ANO6: variants seen among roughly 807,000 people sequenced by gnomAD.
ANO6 encodes anoctamin 6.
In ANO6, 106 loss-of-function variants were observed where a neutral mutation model predicts 117.5. That is an observed-to-expected ratio of 0.90 (90% CI 0.77 to 1.06). The LOEUF (loss-of-function observed/expected upper bound fraction) is 1.06. ANO6 is among the 50% of genes least tolerant of loss of function. The pLI, the probability that ANO6 is intolerant of heterozygous loss-of-function variation, is 0.00. For missense variants in ANO6, 955 were observed against 1,121.1 expected, an observed-to-expected ratio of 0.85 and a Z score of 2.12; for synonymous variants, 367 against 385.1, an observed-to-expected ratio of 0.95 and a Z score of 0.55.
At chr12:45,422,578 T>TTC in intron 18 of ANO6, among the ~76,000 whole-genome samples, 1 of 145,886 alleles carries the variant, frequency 6.9e-6, no homozygotes, top group East Asian at 2.0e-4. Context: ...AAATATGACT[T>TTC]TTTTTTTTTT....
intron 9 of ANO6, among the ~76,000 whole-genome samples, chr12:45,368,719 C>T (rs1411178516): frequency 6.6e-6 from 1 of 152,194 alleles, no homozygotes; most frequent in Non-Finnish European, 1.5e-5. Flanking sequence ...CCTTGTTCTA[C>T]CATGAGAGTT....
At chr12:45,439,951 A>G in exon 20 of ANO6, 2 of 1,461,392 alleles carry the variant, frequency 1.4e-6, no homozygotes, top group Non-Finnish European at 1.8e-6. Context: ...TTATTCAATA[A>G]TTCATTCAAC....
chr12:45,421,412 T>G (rs1235761213), intron 18 of ANO6, 139 bp downstream of exon 18: 1 of 886,190 alleles, frequency 1.1e-6, no homozygotes, highest in Non-Finnish European at 1.8e-6. Context: ...TGGTGTCATT[T>G]AAATCAAGCT....
chr12:45,364,591 A>C (rs1003961313), intron 8 of ANO6, among the ~76,000 whole-genome samples: 1 of 152,098 alleles, frequency 6.6e-6, no homozygotes, highest in Non-Finnish European at 1.5e-5. Context: ...GAGCCCTTCT[A>C]ATGATTTTTT....
chr12:45,319,158 T>A (rs574250543), intron 2 of ANO6, among the ~76,000 whole-genome samples: 1 of 152,296 alleles, frequency 6.6e-6, no homozygotes, highest in South Asian at 2.1e-4. Context: ...CTATGTCGAA[T>A]AGGAGTGGTG....
chr12:45,246,035 C>G (rs894914732), intron 1 of ANO6, among the ~76,000 whole-genome samples: 1 of 151,736 alleles, frequency 6.6e-6, no homozygotes, highest in Non-Finnish European at 1.5e-5. Context: ...CTTATGTTAC[C>G]GAATTAGATT....
intron 1 of ANO6, among the ~76,000 whole-genome samples, chr12:45,259,625 C>A (rs1937955112): frequency 6.6e-6 from 1 of 152,194 alleles, no homozygotes; most frequent in Non-Finnish European, 1.5e-5. Context: ...CGCTTTTCCA[C>A]CTCCTTTCAG....
At chr12:45,343,131 G>A (rs1941028428) in intron 3 of ANO6, among the ~76,000 whole-genome samples, 1 of 152,110 alleles carries the variant, frequency 6.6e-6, no homozygotes, top group Non-Finnish European at 1.5e-5. Flanking sequence ...GCTCCCTAGT[G>A]GATAGCTAGG....
chr12:45,428,118 A>G (rs1345302311), intron 19 of ANO6, among the ~76,000 whole-genome samples: 3 of 152,170 alleles, frequency 2.0e-5, no homozygotes, highest in African/African-American at 2.4e-5. Context: ...CACACTCTTG[A>G]GAAACTTGCA....
chr12:45,396,021 G>A (rs1310718366), intron 12 of ANO6, among the ~76,000 whole-genome samples: 1 of 152,146 alleles, frequency 6.6e-6, no homozygotes, highest in Non-Finnish European at 1.5e-5. Context: ...GAAATAAAGG[G>A]TATTCAATTA....
intron 2 of ANO6, among the ~76,000 whole-genome samples, chr12:45,315,532 C>T (rs1939995495): frequency 6.6e-6 from 1 of 152,040 alleles, no homozygotes; most frequent in African/African-American, 2.4e-5. Flanking sequence ...CAAGCACTTC[C>T]TATCCGTTAG....
At chr12:45,222,008 A>G (rs1424303404) in intron 1 of ANO6, among the ~76,000 whole-genome samples, 1 of 151,034 alleles carries the variant, frequency 6.6e-6, no homozygotes, top group Non-Finnish European at 1.5e-5. Context: ...CAGCCTCCCA[A>G]GTAGCTGGGA....
chr12:45,424,967 G>C (rs557706416), intron 19 of ANO6, among the ~76,000 whole-genome samples: 1 of 151,936 alleles, frequency 6.6e-6, no homozygotes. Flanking sequence ...ACAAAAAAAC[G>C]TGTGAGGTTC....
rs561933040 is a variant in ANO6 at position 45,296,995 on chromosome 12, A to G, written c.71-5019A>G. ...GAATTGTCATTTATATCTTTGCCCAACTTTGTGAGATAACCAGGGAAAGTA... is the reference window on the plus strand; with the variant it reads ...GAATTGTCATTTATATCTTTGCCCAGCTTTGTGAGATAACCAGGGAAAGTA... On this transcript the variant is annotated intron_variant, in intron 1 of 19. Coordinates refer to ENST00000320560, the MANE Select transcript of ANO6 (RefSeq NM_001025356.3). Among the ~76,000 whole-genome samples the G allele has an allele frequency of 9.2e-5, 14 of 152,266 alleles. No individual in the cohort carries two copies. The East Asian group carries it at 2.5e-3, about 27-fold the overall frequency.
intron 17 of ANO6, among the ~76,000 whole-genome samples, chr12:45,418,935 A>G (rs575133516): frequency 1.3e-5 from 2 of 152,332 alleles, no homozygotes; most frequent in African/African-American, 2.4e-5. Flanking sequence ...ATAGACATCT[A>G]TGTTTATATG....
intron 1 of ANO6, among the ~76,000 whole-genome samples, chr12:45,247,399 C>T (rs989305042): frequency 2.6e-5 from 4 of 152,134 alleles, no homozygotes; most frequent in African/African-American, 9.7e-5. Flanking sequence ...GAGGTAGGTG[C>T]TGTTATATTA....
intron 1 of ANO6, among the ~76,000 whole-genome samples, chr12:45,250,948 C>T (rs991490567): frequency 6.6e-6 from 1 of 151,684 alleles, no homozygotes; most frequent in Admixed American, 6.6e-5. Flanking sequence ...TGGCTCATGC[C>T]TATTATCTCA....
intron 16 of ANO6, among the ~76,000 whole-genome samples, chr12:45,416,328 TA>T (rs11424180): frequency 2.2e-4 from 33 of 150,262 alleles, no homozygotes; most frequent in African/African-American, 3.9e-4. Context: ...TCTTTTTTCT[TA>T]AAAAAAAAAT....
chr12:45,375,603 G>A (rs1476547566), intron 9 of ANO6, among the ~76,000 whole-genome samples: 1 of 152,168 alleles, frequency 6.6e-6, no homozygotes, highest in Non-Finnish European at 1.5e-5. Flanking sequence ...AAGCAATGGG[G>A]AAAGGATTCC....
Sources: allele counts gnomAD v4.1 joint callset (sites outside exome capture counted in the v4.1 genomes callset), GRCh38; gene constraint gnomAD v4.1.1; transcripts MANE v1.5; gene names NCBI Gene and HGNC (gene_info 2026-07-23, HGNC 2026-07-21).